Variants in CRYBG1 observed in about 807,000 individuals in gnomAD.
CRYBG1 encodes crystallin beta-gamma domain containing 1.
CRYBG1 carries 139 observed loss-of-function variants against 189.2 expected under a neutral mutation model. The ratio of observed to expected loss-of-function variants is 0.73; its 90% CI spans 0.64 to 0.85. The LOEUF (loss-of-function observed/expected upper bound fraction) is 0.85. CRYBG1 is among the 40% of genes least tolerant of loss of function. The probability of loss-of-function intolerance (pLI) is 0.00; values close to 1 mark genes in which losing one functional copy is unlikely to be tolerated. For missense variants in CRYBG1, 2,611 were observed against 2,675.8 expected (o/e 0.98, Z 0.53); for synonymous variants, 1,023 against 1,017.1 (o/e 1.01, Z -0.11).
chr6:106,372,146 A>G (rs1207992764), intron 1 of CRYBG1, among the ~76,000 whole-genome samples: 4 of 152,256 alleles, frequency 2.6e-5, no homozygotes, highest in African/African-American at 9.6e-5. Flanking sequence ...AAGTTAAACA[A>G]AGAGGAGCAC....
chr6:106,544,530 A>G, intron 11 of CRYBG1, 41 bp from the exon 12 acceptor site: 1 of 1,597,152 alleles, frequency 6.3e-7, no homozygotes, highest in South Asian at 1.1e-5. Context: ...AAATGTTAAC[A>G]TGTCTGGAAA....
In CRYBG1 at chr6:106,553,403, G is replaced by C. The variant is rs1004015593; in HGVS notation, c.5473-52G>C. 2.4e-6 allele frequency: 3 copies of C among 1,247,324 alleles called. No individual in the cohort carries two copies. The African/African-American group carries it at 4.5e-5, about 19-fold the overall frequency. The allele number at this position is 1,247,324 out of a possible 1,614,324, so 77.3% of individuals were successfully genotyped here. A position where few individuals can be genotyped will look rare whatever the true frequency, so the allele number is the denominator to read the frequency against. On this transcript the variant is annotated intron_variant, in intron 15 of 21. Coordinates refer to ENST00000633556, the MANE Select transcript of CRYBG1 (RefSeq NM_001371242.2). The stretch of plus-strand genomic sequence containing the variant: ...GGTCATCATTTCAAAGGCTAAATTA[G>C]TTAATGTGTTTAGGAAAATAATTTT...
Position 106,482,516 on chromosome 6 carries a change from C to T in CRYBG1, c.313-28914C>T, listed in dbSNP as rs190047319. Among the ~76,000 whole-genome samples the T allele has an allele frequency of 8.2e-3, 1,244 of 152,222 alleles. 6 individuals carry two copies. The highest frequency in any genetic ancestry group is 0.013 in the Admixed American group (200 of 15,296). On this transcript the variant is annotated intron_variant, in intron 2 of 21. Transcript: ENST00000633556. ...TCTGGCCAGGCATGGTGGCTCACGC[C>T]TATAATCCCAGCACTTTGGGAGGCC...
In CRYBG1 at chr6:106,568,477, A is replaced by C. The variant is rs1267172194; in HGVS notation, c.6307A>C (p.Thr2103Pro). ...PNLVLDIKGG[T>P]QYDQNHIILN... ...ATTATTTTCCTTTCTTTTAGGGGGC[A>C]CACAGTATGATCAAAATCACATTAT... Residue 2103 changes from threonine (T) to proline (P), a missense_variant, in exon 22 of 22, where the codon ACA (threonine) becomes CCA (proline). Thr to Pro is a conservative substitution (Grantham distance 38). This residue lies in a region of CRYBG1 where 1,622 missense variants were observed against 1,735.0 expected (regional missense o/e 0.93). Coordinates refer to ENST00000633556, the MANE Select transcript of CRYBG1 (RefSeq NM_001371242.2). The C allele has an allele frequency of 1.2e-6, 2 of 1,612,646 alleles. No individual in the cohort carries two copies. The highest frequency in any genetic ancestry group is 1.7e-6 in the Non-Finnish European group (2 of 1,178,738).
intron 2 of CRYBG1, among the ~76,000 whole-genome samples, chr6:106,489,148 G>A (rs886082298): frequency 2.0e-5 from 3 of 152,222 alleles, no homozygotes; most frequent in African/African-American, 7.2e-5. Context: ...CAAGGAGACA[G>A]TGTGGCAGAG....
intron 1 of CRYBG1, among the ~76,000 whole-genome samples, chr6:106,412,241 C>T (rs1770937498): frequency 6.6e-6 from 1 of 152,238 alleles, no homozygotes; most frequent in Admixed American, 6.5e-5. Flanking sequence ...CATTAAAGAC[C>T]CAGCTTGATT....
intron 1 of CRYBG1, among the ~76,000 whole-genome samples, chr6:106,384,927 T>C (rs1352759218): frequency 6.6e-6 from 1 of 151,312 alleles, no homozygotes; most frequent in Non-Finnish European, 1.5e-5. Context: ...GTTTGAAACA[T>C]GTCAGAAATC....
intron 1 of CRYBG1, among the ~76,000 whole-genome samples, chr6:106,395,560 A>G (rs1770588282): frequency 6.6e-6 from 1 of 151,912 alleles, no homozygotes; most frequent in African/African-American, 2.4e-5. Context: ...TTTGTTATAT[A>G]GTATTATTAT....
chr6:106,558,759 T>G, intron 18 of CRYBG1, 134 bp downstream of exon 18: 1 of 706,922 alleles, frequency 1.4e-6, no homozygotes, highest in Non-Finnish European at 2.1e-6. Context: ...ATCCAGGGAT[T>G]CAAGAAAAGC....
intron 2 of CRYBG1, among the ~76,000 whole-genome samples, chr6:106,483,390 A>ATATATATATATATATATATAT (rs1772512847): frequency 1.0e-5 from 1 of 96,866 alleles, no homozygotes; most frequent in East Asian, 2.9e-4. Context: ...ATATATATAT[A>ATATATATATATATATATATAT]GATATATATA....
intron 13 of CRYBG1, among the ~76,000 whole-genome samples, chr6:106,547,966 T>C (rs982100293): frequency 1.3e-5 from 2 of 152,248 alleles, no homozygotes; most frequent in Non-Finnish European, 2.9e-5. Flanking sequence ...AAATGAAATA[T>C]TTCTGGTATT....
At chr6:106,430,892 C>T (rs1185986430) in intron 1 of CRYBG1, among the ~76,000 whole-genome samples, 2 of 152,056 alleles carry the variant, frequency 1.3e-5, no homozygotes, top group African/African-American at 4.8e-5. Flanking sequence ...GATGGAGTCT[C>T]GCTCTGTCAC....
At chr6:106,413,106 A>G (rs1241212074) in intron 1 of CRYBG1, among the ~76,000 whole-genome samples, 1 of 152,162 alleles carries the variant, frequency 6.6e-6, no homozygotes, top group African/African-American at 2.4e-5. Flanking sequence ...AACCTCTGTC[A>G]TGAAGTGGCC....
At chr6:106,568,178 G>T (rs923767781) in intron 21 of CRYBG1, among the ~76,000 whole-genome samples, 1 of 152,196 alleles carries the variant, frequency 6.6e-6, no homozygotes, top group African/African-American at 2.4e-5. Flanking sequence ...TTGTAAGAGT[G>T]ACTGTGGACT....
chr6:106,520,877 G>C lies in CRYBG1; in HGVS notation c.3669G>C (p.Glu1223Asp), dbSNP rs1223587155. 1.2e-6 allele frequency: 2 copies of C among 1,614,050 alleles called. No individual in the cohort carries two copies. Among genetic ancestry groups the C allele is most frequent in the Non-Finnish European group, 8.5e-7 (1 of 1,180,040 alleles). ...TGATGCCGGAAATCAATGACAAAGA[G>C]AACAGGGACGTCACAAATGGTGGCA... ...PLVMPEINDK[E>D]NRDVTNGGIK... The change falls in exon 4 of 22, where the codon GAG becomes GAC. Residue 1223 changes from glutamate to aspartate, a missense_variant. By Grantham distance (45) the Glu-to-Asp change is conservative. This residue lies in a region of CRYBG1 where 1,622 missense variants were observed against 1,735.0 expected (regional missense o/e 0.93). Coordinates refer to ENST00000633556, the MANE Select transcript of CRYBG1 (RefSeq NM_001371242.2).
intron 1 of CRYBG1, among the ~76,000 whole-genome samples, chr6:106,389,239 G>A (rs184710621): frequency 4.9e-4 from 74 of 151,888 alleles, no homozygotes; most frequent in Middle Eastern, 3.4e-3. Flanking sequence ...TATATTTATT[G>A]GCCACTTACT....
At chr6:106,416,696 A>G (rs1771026017) in intron 1 of CRYBG1, among the ~76,000 whole-genome samples, 1 of 152,218 alleles carries the variant, frequency 6.6e-6, no homozygotes, top group Non-Finnish European at 1.5e-5. Flanking sequence ...AAAAACTAGA[A>G]CCATCCTAAA....
chr6:106,483,532 C>T (rs1331464448), intron 2 of CRYBG1, among the ~76,000 whole-genome samples: 1 of 151,810 alleles, frequency 6.6e-6, no homozygotes, highest in Non-Finnish European at 1.5e-5. Context: ...AATACATACC[C>T]AGCAATGGGA....
In CRYBG1 at chr6:106,511,144, A is replaced by G. The variant is rs149012469; in HGVS notation, c.313-286A>G. Among the ~76,000 whole-genome samples the G allele has an allele frequency of 1.1e-3, 172 of 152,316 alleles. 4 individuals are homozygous for G. The East Asian group carries it at 0.028, about 25-fold the overall frequency. On this transcript the variant is annotated intron_variant, in intron 2 of 21. Coordinates refer to ENST00000633556, the MANE Select transcript of CRYBG1 (RefSeq NM_001371242.2). ...GAGGGCAAGGAACTATTTATTTTGT[A>G]TATGTGATTATTTGGACCGTTCAAA...
Sources: gnomAD v4.1 joint callset for allele counts (sites outside exome capture counted in the v4.1 genomes callset) on GRCh38, gnomAD v4.1.1 for gene constraint, gnomAD v4.1.1 regional missense constraint, MANE v1.5 for transcripts, NCBI Gene and HGNC (gene_info 2026-07-23, HGNC 2026-07-21) for gene names.